Variants in IP6K1 observed in about 807,000 individuals in gnomAD.
IP6K1 encodes the protein ATP:1D-myo-inositol-hexakisphosphate phosphotransferase.
In IP6K1, 13 loss-of-function variants were observed where a neutral mutation model predicts 38.3. That is an observed-to-expected ratio of 0.34 (90% CI 0.22 to 0.54). The LOEUF is 0.54. Among genes scored for constraint, IP6K1 ranks in the 20% least tolerant of loss-of-function variants. The pLI, the probability that IP6K1 is intolerant of heterozygous loss-of-function variation, is 0.92. For synonymous variants in IP6K1, 212 were observed against 229.9 expected (o/e 0.92, Z 0.70); for missense variants, 397 against 599.8 (o/e 0.66, Z 3.53).
At position 49,727,356 on chromosome 3, in the gene IP6K1, C is replaced by A. The variant is rs1337834575; in HGVS notation, c.1092G>T (p.Val364=). 2.1e-5 allele frequency: 34 copies of A among 1,613,944 alleles called. No homozygotes were observed. The highest frequency in any genetic ancestry group is 2.8e-5 in the Non-Finnish European group (33 of 1,180,014). The change falls in exon 6 of 6, where the codon GTG becomes GTT. Residue 364 remains valine, a synonymous_variant. Coordinates refer to ENST00000321599, the MANE Select transcript of IP6K1 (RefSeq NM_153273.4). This position sits in a 1 kb window ranked among gnomAD's most constrained non-coding sequence, Gnocchi z 5.9. ...CACAGGATGACGCCACCTCAGGGAG[C>A]ACCATGTCCAGGTGCTTGAGACGCA... ...SEMRLKHLDM[V]LPEVASSCGP... is the part of the protein sequence containing the mutation.
At chr3:49,732,731 G>T in intron 4 of IP6K1, 60 bp downstream of exon 4, 1 of 1,416,868 alleles carries the variant, frequency 7.1e-7, no homozygotes, top group Non-Finnish European at 9.7e-7. Context: ...GCAGAATGGT[G>T]CCCCAACACA....
At chr3:49,766,958 CAAAAAAAAAAAA>C (rs144308874) in intron 1 of IP6K1, among the ~76,000 whole-genome samples, 1 of 55,392 alleles carries the variant, frequency 1.8e-5, no homozygotes. Context: ...GACTCCGTCT[CAAAAAAAAAAAA>C]AAAAAAAAAA....
intron 1 of IP6K1, among the ~76,000 whole-genome samples, chr3:49,782,419 T>G: frequency 6.6e-6 from 1 of 152,014 alleles, no homozygotes; most frequent in Non-Finnish European, 1.5e-5. Context: ...CCCGCCCACC[T>G]TGGCCTCCCA....
rs1465435588 is a variant in IP6K1 at position 49,726,867 on chromosome 3, C to T, written c.*255G>A. On this transcript the variant is annotated 3_prime_UTR_variant, in exon 6 of 6. Coordinates refer to ENST00000321599, the MANE Select transcript of IP6K1 (RefSeq NM_153273.4). The stretch of plus-strand genomic sequence containing the variant: ...GCTGCCAAGCCCACCAGGGGCACCT[C>T]TTCCTTCCTAAGGCAGCCTGGACAC... 4.3e-6 allele frequency: 2 copies of T among 467,522 alleles called. No homozygotes were observed. The highest frequency in any genetic ancestry group is 3.8e-5 in the Admixed American group (1 of 26,530). The allele number at this position is 467,522 out of a possible 1,614,324, so 29.0% of individuals were successfully genotyped here.
intron 3 of IP6K1, among the ~76,000 whole-genome samples, chr3:49,734,077 G>A (rs1215950201): frequency 6.6e-6 from 1 of 152,192 alleles, no homozygotes; most frequent in African/African-American, 2.4e-5. Flanking sequence ...GGCTGAGGAT[G>A]CACTGAGCCA....
chr3:49,786,045 G>A (rs2081110025), intron 1 of IP6K1: 1 of 152,298 alleles, frequency 6.6e-6, no homozygotes. Context: ...GCATCAGGGT[G>A]GCACCGGACA....
At chr3:49,760,534 G>C (rs2080859017) in intron 1 of IP6K1, among the ~76,000 whole-genome samples, 1 of 149,078 alleles carries the variant, frequency 6.7e-6, no homozygotes, top group Non-Finnish European at 1.5e-5. Flanking sequence ...TGAGGCAGGA[G>C]AATCACTTGA....
intron 1 of IP6K1, among the ~76,000 whole-genome samples, chr3:49,766,869 G>A (rs2080915641): frequency 6.9e-6 from 1 of 143,974 alleles, no homozygotes; most frequent in Non-Finnish European, 1.5e-5. Context: ...GAAGGCTAAG[G>A]CAGGAGAATC....
chr3:49,768,093 T>A (rs1019941076), intron 1 of IP6K1, among the ~76,000 whole-genome samples: 1 of 151,644 alleles, frequency 6.6e-6, no homozygotes, highest in Admixed American at 6.6e-5. Flanking sequence ...ATTGTAACAC[T>A]TGTGCACTGC....
intron 2 of IP6K1, among the ~76,000 whole-genome samples, chr3:49,744,559 A>G (rs947020540): frequency 2.0e-5 from 3 of 151,920 alleles, no homozygotes; most frequent in Non-Finnish European, 4.4e-5. Flanking sequence ...AGCTCTTCGT[A>G]CTTCTGACAT....
In IP6K1 at chr3:49,726,693, G is replaced by A. The variant is rs2080505586; in HGVS notation, c.*429C>T. The A allele has an allele frequency of 4.5e-6, 1 of 220,628 alleles. No individual in the cohort carries two copies. Among genetic ancestry groups the A allele is most frequent in the South Asian group, 1.7e-4 (1 of 5,850 alleles). 13.7% of individuals were successfully genotyped at this position (220,628 alleles called of 1,614,324 possible). A position where few individuals can be genotyped will look rare whatever the true frequency, so the allele number is the denominator to read the frequency against. ...AGCCCCCAAGAAATGGGCACCCAGA[G>A]CCCTCTACTTCTGGGGAACAAGGGA... On this transcript the variant is annotated 3_prime_UTR_variant, in exon 6 of 6. Transcript: ENST00000321599.
rs1164964533 is a variant in IP6K1, at chr3:49,748,009, T to C, written c.32A>G (p.Gln11Arg). ...AGCCCGACTTGCATTCTTGCCATACTGCCCCACTTCCATGGTTTGACAAAC... is the reference window on the plus strand; with the variant it reads ...AGCCCGACTTGCATTCTTGCCATACCGCCCCACTTCCATGGTTTGACAAAC... MCVCQTMEVG[Q>R]YGKNASRAGD... Residue 11 changes from glutamine (Q) to arginine (R), a missense_variant, in exon 2 of 6, where the codon CAG (glutamine) becomes CGG (arginine). This residue lies in a region of IP6K1 where 171 missense variants were observed against 237.0 expected (regional missense o/e 0.72). Transcript: ENST00000321599. 1 of 1,613,780 alleles carries C rather than the reference T, an allele frequency of 6.2e-7. No homozygotes were observed. The highest frequency in any genetic ancestry group is 8.5e-7 in the Non-Finnish European group (1 of 1,180,046).
chr3:49,745,778 A>C (rs9853458), intron 2 of IP6K1, among the ~76,000 whole-genome samples: 80,072 of 150,536 alleles, frequency 0.53, 22,097 homozygotes, highest in East Asian at 0.82. Context: ...TCGCTTGAAC[A>C]CGGAGGTGGA....
chr3:49,748,149 A>C lies in IP6K1; in HGVS notation c.-109T>G. Reference sequence around the variant, plus strand: ...AGGTGAAAGCCAATGGTCAGATTCTATTCAGCTTATTATTCTGTCCTACAG... The same window carrying C: ...AGGTGAAAGCCAATGGTCAGATTCTCTTCAGCTTATTATTCTGTCCTACAG... On this transcript the variant is annotated 5_prime_UTR_variant, in exon 2 of 6. Coordinates refer to ENST00000321599, the MANE Select transcript of IP6K1 (RefSeq NM_153273.4). 9.3e-7 allele frequency: 1 copy of C among 1,070,184 alleles called. No homozygotes were observed. Among genetic ancestry groups the C allele is most frequent in the South Asian group, 1.4e-5 (1 of 71,316 alleles). The allele number at this position is 1,070,184 out of a possible 1,614,324, so 66.3% of individuals were successfully genotyped here.
intron 3 of IP6K1, among the ~76,000 whole-genome samples, chr3:49,737,795 T>C (rs755696121): frequency 6.6e-6 from 1 of 152,236 alleles, no homozygotes; most frequent in Admixed American, 6.5e-5. Flanking sequence ...CTCAGAGGTC[T>C]GACACAAAAA....
Position 49,732,955 on chromosome 3 carries a change from C to T in IP6K1, c.452G>A (p.Ser151Asn). Reference sequence around the variant, plus strand: ...GTGGCTGTGCAGCTCCACCTTCGGACTCTTTGCCTCCTGTGAGCTAAGAAG... The same window carrying T: ...GTGGCTGTGCAGCTCCACCTTCGGATTCTTTGCCTCCTGTGAGCTAAGAAG... ...ETSESSQEAK[S>N]PKVELHSHSE... Residue 151 changes from serine to asparagine, a missense_variant, in exon 4 of 6, where the codon AGT (serine) becomes AAT (asparagine). By Grantham distance (46) the Ser-to-Asn change is conservative. Around this residue, in one of 3 missense-constraint regions of IP6K1, gnomAD observed 171 missense variants for 237.0 expected, o/e 0.72. Transcript: ENST00000321599. 1.9e-6 allele frequency: 3 copies of T among 1,613,146 alleles called. No homozygotes were observed. Among genetic ancestry groups the T allele is most frequent in the Non-Finnish European group, 2.5e-6 (3 of 1,179,330 alleles).
chr3:49,778,950 T>C (rs1379100403), intron 1 of IP6K1, among the ~76,000 whole-genome samples: 3 of 152,174 alleles, frequency 2.0e-5, no homozygotes, highest in East Asian at 1.9e-4. Context: ...AACAGCTTTA[T>C]TGATATATTA....
At chr3:49,738,078 A>C in intron 3 of IP6K1, 134 bp downstream of exon 3, 2 of 694,524 alleles carry the variant, frequency 2.9e-6, no homozygotes, top group Non-Finnish European at 5.1e-6. Context: ...AAGAGGCTAC[A>C]CCTGTGTGGG....
chr3:49,781,260 A>G (rs1182767134), intron 1 of IP6K1, among the ~76,000 whole-genome samples: 1 of 152,162 alleles, frequency 6.6e-6, no homozygotes, highest in Non-Finnish European at 1.5e-5. Context: ...ACAGAGTTTC[A>G]CCATGTTGGC....
Sources: allele counts gnomAD v4.1 joint callset (sites outside exome capture counted in the v4.1 genomes callset), GRCh38; gene constraint gnomAD v4.1.1; regional missense constraint gnomAD v4.1.1; non-coding constraint Gnocchi (gnomAD v3.1); transcripts MANE v1.5; gene names NCBI Gene and HGNC (gene_info 2026-07-23, HGNC 2026-07-21).